Variants in TTC21B observed in about 807,000 individuals in gnomAD.
The protein encoded by TTC21B is tetratricopeptide repeat protein 21B.
Under a neutral mutation model 175.1 loss-of-function variants are expected in TTC21B, and 127 were observed. The ratio of observed to expected loss-of-function variants is 0.73; its 90% CI spans 0.63 to 0.84. TTC21B has a LOEUF of 0.84. Among genes scored for constraint, TTC21B ranks in the 40% least tolerant of loss-of-function variants. The probability of loss-of-function intolerance (pLI) is 0.00; values close to 1 mark genes in which losing one functional copy is unlikely to be tolerated. For missense variants in TTC21B, 1,561 were observed against 1,558.3 expected, an observed-to-expected ratio of 1.00 and a Z score of -0.03; for synonymous variants, 524 against 524.5, an observed-to-expected ratio of 1.00 and a Z score of 0.01.
At chr2:165,930,435 T>C in intron 8 of TTC21B, 71 bp from the exon 9 acceptor site, 2 of 1,102,382 alleles carry the variant, frequency 1.8e-6, no homozygotes, top group Non-Finnish European at 2.6e-6. Flanking sequence ...GATTATTTTT[T>C]CTAAATATAT....
intron 4 of TTC21B, among the ~76,000 whole-genome samples, chr2:165,943,910 T>C (rs146074554): frequency 1.7e-3 from 259 of 152,212 alleles, no homozygotes; most frequent in Middle Eastern, 3.4e-3. Flanking sequence ...GGCCGATGGG[T>C]TGTAAGACAT....
At chr2:165,903,266 G>C (rs955753230) in intron 19 of TTC21B, among the ~76,000 whole-genome samples, 1 of 152,146 alleles carries the variant, frequency 6.6e-6, no homozygotes, top group African/African-American at 2.4e-5. Flanking sequence ...GTGAGTTGGG[G>C]AAAAACAGAT....
chr2:165,933,116 G>C (rs1023973094), intron 6 of TTC21B, 59 bp from the exon 7 acceptor site: 2 of 1,524,286 alleles, frequency 1.3e-6, no homozygotes, highest in African/African-American at 2.8e-5. Context: ...TTTTATTCGA[G>C]GGCATGAAAA....
chr2:165,942,211 G>A (rs1030382254), intron 5 of TTC21B, among the ~76,000 whole-genome samples: 14 of 152,102 alleles, frequency 9.2e-5, no homozygotes, highest in African/African-American at 2.9e-4. Flanking sequence ...ATTAACAAAA[G>A]TCAAGACATG....
chr2:165,933,143 C>T, intron 6 of TTC21B, 86 bp from the exon 7 acceptor site: 1 of 1,032,274 alleles, frequency 9.7e-7, no homozygotes, highest in Non-Finnish European at 1.5e-6. Context: ...TTGCTTGCCT[C>T]ACTATTCCAC....
chr2:165,885,587 T>TAGAG (rs1553506066), intron 25 of TTC21B, among the ~76,000 whole-genome samples: 1 of 152,138 alleles, frequency 6.6e-6, no homozygotes, highest in Admixed American at 6.5e-5. Flanking sequence ...GGAGAGAAGA[T>TAGAG]AGAGGCCTGC....
At position 165,949,651 on chromosome 2, in the gene TTC21B, C is replaced by T. The variant is rs886055028; in HGVS notation, c.95G>A (p.Arg32Lys). ...CCTGAAGACTGGATCACTTCCATAC[C>T]TCTTAATTCCTTCACTGGCAACCAG... The part of the protein sequence containing the change: ...VLLVASEGIK[R>K]YGSDPVFRFY... Residue 32 changes from arginine to lysine, a missense_variant, in exon 2 of 29, where the codon AGG becomes AAG. Physicochemically the swap from Arg to Lys is conservative, Grantham distance 26 (BLOSUM62 2). Coordinates refer to ENST00000243344, the MANE Select transcript of TTC21B (RefSeq NM_024753.5). 8 of 1,613,388 alleles carry T rather than the reference C, an allele frequency of 5.0e-6. 1 individual carries two copies. The highest frequency in any genetic ancestry group is 3.3e-5 in the Admixed American group (2 of 60,006).
intron 20 of TTC21B, 102 bp downstream of exon 20, chr2:165,901,620 G>C (rs956555770): frequency 7.6e-5 from 89 of 1,168,986 alleles, no homozygotes; most frequent in Non-Finnish European, 2.8e-5. Context: ...ACTGCACCCT[G>C]CCTACATCTT....
intron 18 of TTC21B, among the ~76,000 whole-genome samples, chr2:165,908,053 C>T (rs1039819612): frequency 6.6e-6 from 1 of 152,088 alleles, no homozygotes; most frequent in African/African-American, 2.4e-5. Context: ...AACAATTTAA[C>T]ACCACAATAA....
At chr2:165,880,900 T>C (rs1684814449) in intron 26 of TTC21B, 101 bp from the exon 27 acceptor site, 2 of 1,277,400 alleles carry the variant, frequency 1.6e-6, no homozygotes, top group Non-Finnish European at 2.2e-6. Context: ...CCCATTTAAA[T>C]GACAAATCAA....
At chr2:165,913,818 T>C (rs886488810) in intron 15 of TTC21B, among the ~76,000 whole-genome samples, 172 bp from the exon 16 acceptor site, 11 of 152,180 alleles carry the variant, frequency 7.2e-5, no homozygotes, top group African/African-American at 2.7e-4. Context: ...CACACCCAAA[T>C]TGTTTATGCT....
At chr2:165,902,627 A>G (rs1685606485) in intron 19 of TTC21B, among the ~76,000 whole-genome samples, 1 of 152,168 alleles carries the variant, frequency 6.6e-6, no homozygotes, top group South Asian at 2.1e-4. Flanking sequence ...CTGTCTCATG[A>G]AATTTTTATT....
chr2:165,924,014 A>G (rs1038882620), intron 12 of TTC21B, among the ~76,000 whole-genome samples: 9 of 152,034 alleles, frequency 5.9e-5, no homozygotes, highest in East Asian at 3.9e-4. Context: ...TGGCCTCCCA[A>G]TGTGTTGGGA....
At chr2:165,907,262 C>G (rs1488140569) in intron 19 of TTC21B, among the ~76,000 whole-genome samples, 1 of 151,750 alleles carries the variant, frequency 6.6e-6, no homozygotes, top group Admixed American at 6.6e-5. Flanking sequence ...AAATCAGAAA[C>G]TGAATCATCA....
chr2:165,926,977 T>C (rs1014261111), intron 11 of TTC21B, among the ~76,000 whole-genome samples: 1 of 101,368 alleles, frequency 9.9e-6, no homozygotes, highest in African/African-American at 3.6e-5. Context: ...ATATGGAGTA[T>C]ATATATAAAC....
chr2:165,880,819 A>G lies in TTC21B; in HGVS notation c.3685-20T>C. On this transcript the variant is annotated intron_variant, in intron 26 of 28. Transcript: ENST00000243344. Reference sequence around the variant, plus strand: ...GCAAGACTGAAGAAAAATGGGAGACATCAATAGATTAAACTTGATATCACT... The same window carrying G: ...GCAAGACTGAAGAAAAATGGGAGACGTCAATAGATTAAACTTGATATCACT... 2 of 1,609,846 alleles carry G rather than the reference A, an allele frequency of 1.2e-6. No homozygotes were observed. The highest frequency in any genetic ancestry group is 1.7e-6 in the Non-Finnish European group (2 of 1,178,308).
chr2:165,882,802 T>C (rs1386139547), intron 26 of TTC21B, among the ~76,000 whole-genome samples: 1 of 152,222 alleles, frequency 6.6e-6, no homozygotes, highest in African/African-American at 2.4e-5. Flanking sequence ...TGAAATTGTA[T>C]GTGCACTGAA....
Position 165,874,572 on chromosome 2 carries a change from T to C in TTC21B, c.*183A>G, listed in dbSNP as rs1684605399. 1.7e-6 allele frequency: 1 copy of C among 590,576 alleles called. No homozygotes were observed. The highest frequency in any genetic ancestry group is 1.9e-5 in the African/African-American group (1 of 53,500). 36.6% of individuals were successfully genotyped at this position (590,576 alleles called of 1,614,324 possible). A position where few individuals can be genotyped will look rare whatever the true frequency, so the allele number is the denominator to read the frequency against. On this transcript the variant is annotated 3_prime_UTR_variant, in exon 29 of 29. Transcript: ENST00000243344. ...TCAAATAGACCAGCTCTCATTCAAC[T>C]CCATTAGGAAACACCAATTTCACAT...
intron 11 of TTC21B, among the ~76,000 whole-genome samples, chr2:165,928,313 C>G (rs950298744): frequency 6.6e-6 from 1 of 152,050 alleles, no homozygotes; most frequent in African/African-American, 2.4e-5. Context: ...AAAAGTACAA[C>G]AAGTAAGAGA....
Sources: allele counts gnomAD v4.1 joint callset (sites outside exome capture counted in the v4.1 genomes callset), GRCh38; gene constraint gnomAD v4.1.1; transcripts MANE v1.5; gene names NCBI Gene and HGNC (gene_info 2026-07-23, HGNC 2026-07-21).